ZC3H12B: variants seen among roughly 807,000 people sequenced by gnomAD.
The protein encoded by ZC3H12B is probable ribonuclease ZC3H12B.
In ZC3H12B, 7 loss-of-function variants were observed where a neutral mutation model predicts 43.9. That is an observed-to-expected ratio of 0.16 (90% CI 0.09 to 0.30). ZC3H12B has a LOEUF of 0.30. ZC3H12B is among the 10% of genes least tolerant of loss of function. The pLI, the probability that ZC3H12B is intolerant of heterozygous loss-of-function variation, is 1.00. For missense variants in ZC3H12B, 475 were observed against 670.2 expected (o/e 0.71, Z 3.22); for synonymous variants, 222 against 241.7 (o/e 0.92, Z 0.76).
the ZC3H12B span, among the ~76,000 whole-genome samples, chrX:65,084,875 G>T: frequency 1.8e-5 from 2 of 112,775 alleles, no homozygotes; most frequent in Non-Finnish European, 3.8e-5. Flanking sequence ...ATCAATAGAT[G>T]AAGGGATAAA....
At chrX:65,152,822 A>G in the ZC3H12B span, among the ~76,000 whole-genome samples, 2 of 111,875 alleles carry the variant, frequency 1.8e-5, no homozygotes, top group East Asian at 5.6e-4. Context: ...ACGCTACCTG[A>G]CTTCAAACTA....
At chrX:65,175,844 C>T in the ZC3H12B span, among the ~76,000 whole-genome samples, 15 of 112,085 alleles carry the variant, frequency 1.3e-4, no homozygotes, top group South Asian at 2.2e-3. Context: ...CCATGAGAGA[C>T]GCTGCATTCC....
the ZC3H12B span, among the ~76,000 whole-genome samples, chrX:65,211,270 G>C: frequency 1.8e-5 from 2 of 108,825 alleles, no homozygotes; most frequent in Admixed American, 2.0e-4. Flanking sequence ...TGTTCACTCA[G>C]ATGATAGTTT....
the ZC3H12B span, among the ~76,000 whole-genome samples, chrX:65,051,172 C>G: frequency 5.4e-5 from 6 of 111,628 alleles, no homozygotes; most frequent in Admixed American, 5.7e-4. Context: ...TTCTTTTAAT[C>G]CTGTTAATTT....
chrX:65,123,191 GT>G, the ZC3H12B span, among the ~76,000 whole-genome samples: 1 of 88,420 alleles, frequency 1.1e-5, no homozygotes, highest in East Asian at 2.8e-4. Context: ...AAATCATGTG[GT>G]TTTTGTCTTG....
chrX:65,253,179 C>A, the ZC3H12B span, among the ~76,000 whole-genome samples: 8 of 111,751 alleles, frequency 7.2e-5, no homozygotes. Context: ...CAAACCAGAT[C>A]TTCAGAGAGG....
chrX:65,254,054 C>T, the ZC3H12B span, among the ~76,000 whole-genome samples: 27 of 111,802 alleles, frequency 2.4e-4, no homozygotes, highest in Non-Finnish European at 3.6e-4. Flanking sequence ...AGGAGACCAG[C>T]GGCCCCAGCT....
chrX:65,381,309 C>T (rs1320930370), intron 2 of ZC3H12B, among the ~76,000 whole-genome samples: 3 of 111,647 alleles, frequency 2.7e-5, no homozygotes, highest in Admixed American at 9.5e-5. Context: ...TCACTCAAAA[C>T]CGCTCAACTA....
chrX:65,423,909 G>T (rs1224146296), intron 3 of ZC3H12B, among the ~76,000 whole-genome samples: 1 of 111,354 alleles, frequency 9.0e-6, no homozygotes, highest in Non-Finnish European at 1.9e-5. Context: ...TTCGGGTTTT[G>T]TCATGAATAG....
chrX:65,322,352 A>G, the ZC3H12B span, among the ~76,000 whole-genome samples: 3 of 112,258 alleles, frequency 2.7e-5, no homozygotes, highest in East Asian at 8.4e-4. Flanking sequence ...AATATTGGAA[A>G]TTAAATTTCC....
At chrX:65,041,035 C>T in the ZC3H12B span, among the ~76,000 whole-genome samples, 1 of 112,527 alleles carries the variant, frequency 8.9e-6, no homozygotes, top group Non-Finnish European at 1.9e-5. Flanking sequence ...ACCTCGGCCT[C>T]CAAAAGTGCT....
the ZC3H12B span, among the ~76,000 whole-genome samples, chrX:65,269,128 C>T: frequency 9.0e-6 from 1 of 111,064 alleles, no homozygotes; most frequent in African/African-American, 3.3e-5. Context: ...GGGTGGATCA[C>T]AAGGTCAAGA....
chrX:65,213,190 A>G, the ZC3H12B span, among the ~76,000 whole-genome samples: 9 of 109,454 alleles, frequency 8.2e-5, no homozygotes, highest in Non-Finnish European at 1.5e-4. Context: ...CTTTTTATTC[A>G]GCACTTAAAA....
At chrX:65,320,629 G>A in the ZC3H12B span, among the ~76,000 whole-genome samples, 2 of 112,204 alleles carry the variant, frequency 1.8e-5, no homozygotes, top group African/African-American at 6.5e-5. Flanking sequence ...GAAGCATCAT[G>A]CTACCTGTCT....
rs1001557893 is a variant in ZC3H12B at position 65,443,125 on chromosome X, G to A, written n.407+44421G>A. On this transcript the variant is annotated intron_variant and non_coding_transcript_variant, in intron 3 of 5. Transcript: ENST00000617377. ...CCTCTTCTGTTACTTCGCTATAATC[G>A]TTCCTCCTCATTATCAGTGTGAAAA... is the stretch of plus-strand genomic sequence containing the variant. Among the ~76,000 whole-genome samples the A allele has an allele frequency of 2.7e-5, 3 of 111,368 alleles. No individual in the cohort carries two copies. The Admixed American group carries it at 2.9e-4, about 11-fold the overall frequency.
chrX:65,497,068 G>A, intron 1 of ZC3H12B, 64 bp from the exon 7 acceptor site: 1 of 1,035,425 alleles, frequency 9.7e-7, no homozygotes, highest in Admixed American at 2.8e-5. Flanking sequence ...GAAAAAGCCT[G>A]CTTCAGATAT....
At chrX:65,250,810 T>C in the ZC3H12B span, among the ~76,000 whole-genome samples, 1 of 111,985 alleles carries the variant, frequency 8.9e-6, no homozygotes, top group Non-Finnish European at 1.9e-5. Context: ...TAAATTTGTT[T>C]GAGTTCTTTG....
At chrX:65,053,850 G>C in the ZC3H12B span, among the ~76,000 whole-genome samples, 3 of 111,923 alleles carry the variant, frequency 2.7e-5, no homozygotes, top group South Asian at 3.7e-4. Context: ...GCATTTCTCT[G>C]ATGGCCAGTG....
chrX:65,157,574 G>A, the ZC3H12B span, among the ~76,000 whole-genome samples: 1 of 111,070 alleles, frequency 9.0e-6, no homozygotes, highest in Non-Finnish European at 1.9e-5. Flanking sequence ...TTTTACTATA[G>A]CCATTCTCTC....
Sources: gnomAD v4.1 joint callset for allele counts (sites outside exome capture counted in the v4.1 genomes callset) on GRCh38, gnomAD v4.1.1 for gene constraint, MANE v1.5 for transcripts, NCBI Gene and HGNC (gene_info 2026-07-23, HGNC 2026-07-21) for gene names.